Variants in FXR2 observed in about 807,000 individuals in gnomAD.
The protein encoded by FXR2 is RNA-binding protein FXR2.
FXR2 carries 9 observed loss-of-function variants against 87.3 expected under a neutral mutation model. That is an observed-to-expected ratio of 0.10 (90% CI 0.06 to 0.18). The LOEUF (loss-of-function observed/expected upper bound fraction) is 0.18, where lower values mean the gene tolerates loss of function less well. Among genes scored for constraint, FXR2 ranks in the 10% least tolerant of loss-of-function variants. FXR2 has a pLI of 1.00. For missense variants in FXR2, 661 were observed against 893.6 expected, an observed-to-expected ratio of 0.74 and a Z score of 3.32; for synonymous variants, 331 against 328.3, an observed-to-expected ratio of 1.01 and a Z score of -0.09.
chr17:7,593,051 GC>G lies in FXR2; in HGVS notation c.1460del (p.Gly487AlafsTer25). 1 of 1,583,552 alleles carries G rather than the reference GC, an allele frequency of 6.3e-7. No homozygotes were observed. The highest frequency in any genetic ancestry group is 1.2e-5 in the South Asian group (1 of 86,708). ...GEESRRRPTG[G>X]RGRGPPPAPR... ...GGGCAGGTGGGGGTCCCCTACCCCG[GC>G]CCCCAGTCGGCCGCCTCCGGCTTTC... On this transcript the variant is annotated frameshift_variant, in exon 13 of 17. Coordinates refer to ENST00000250113, the MANE Select transcript of FXR2 (RefSeq NM_004860.4). LOFTEE classifies it high-confidence loss of function. The surrounding 1 kb of genome is among the most constrained non-coding windows in gnomAD (Gnocchi z 6.1).
intron 1 of FXR2, chr17:7,614,154 G>A (rs1597885227): frequency 4.8e-6 from 3 of 623,152 alleles, no homozygotes; most frequent in Non-Finnish European, 3.0e-6. Flanking sequence ...ATTAGAAGCT[G>A]GGTAAAGGGG....
At chr17:7,611,566 G>A (rs903266229) in intron 1 of FXR2, among the ~76,000 whole-genome samples, 3 of 152,136 alleles carry the variant, frequency 2.0e-5, no homozygotes, top group Admixed American at 2.0e-4. Flanking sequence ...TACTCGGGAG[G>A]CTGAGGCACA....
intron 1 of FXR2, among the ~76,000 whole-genome samples, chr17:7,608,756 G>A (rs11653545): frequency 0.028 from 4,337 of 152,272 alleles, 226 homozygotes; most frequent in East Asian, 0.23. Flanking sequence ...AGTTGATGGA[G>A]GACTTTTGGG....
chr17:7,602,294 G>A (rs953843148), intron 6 of FXR2, among the ~76,000 whole-genome samples: 4 of 152,180 alleles, frequency 2.6e-5, no homozygotes, highest in African/African-American at 9.6e-5. Flanking sequence ...TGTCGGGCGC[G>A]GTGGCTCACG....
chr17:7,611,070 A>C (rs983619531), intron 1 of FXR2, among the ~76,000 whole-genome samples: 3 of 152,204 alleles, frequency 2.0e-5, no homozygotes, highest in African/African-American at 7.2e-5. Context: ...GGGGATTAGG[A>C]TATCCAGATG....
At position 7,614,441 on chromosome 17, in the gene FXR2, C is replaced by A; in HGVS notation, c.81+11G>T. On this transcript the variant is annotated intron_variant, in intron 1 of 16. Coordinates refer to ENST00000250113, the MANE Select transcript of FXR2 (RefSeq NM_004860.4). ...TAAGGACCGGCGTCCCCAGTCGGCG[C>A]GCCGTCTCACCTTGTAGAAGGCCCC... 1 of 1,525,920 alleles carries A rather than the reference C, an allele frequency of 6.6e-7. No individual in the cohort carries two copies. Among genetic ancestry groups the A allele is most frequent in the Non-Finnish European group, 8.8e-7 (1 of 1,135,036 alleles). The allele number at this position is 1,525,920 out of a possible 1,614,324, so 94.5% of individuals were successfully genotyped here. A position where few individuals can be genotyped will look rare whatever the true frequency, so the allele number is the denominator to read the frequency against.
chr17:7,612,607 A>C (rs2071876281), intron 1 of FXR2, among the ~76,000 whole-genome samples: 1 of 152,102 alleles, frequency 6.6e-6, no homozygotes, highest in Admixed American at 6.6e-5. Context: ...TGAATTGAGA[A>C]GGTAAGTTAG....
In FXR2 at chr17:7,592,331, G is replaced by T; in HGVS notation, c.1849C>A (p.Arg617=). 1.9e-6 allele frequency: 3 copies of T among 1,612,556 alleles called. No individual in the cohort carries two copies. Among genetic ancestry groups the T allele is most frequent in the Non-Finnish European group, 8.5e-7 (1 of 1,178,558 alleles). The part of the protein sequence containing the change: ...QPVTVADYIS[R]AESQSRQRPP... ...CTCTGGCGGCTCTGAGACTCTGCTCGTGAGATATAGTCAGCCACAGTCACT... is the reference window on the plus strand; with the variant it reads ...CTCTGGCGGCTCTGAGACTCTGCTCTTGAGATATAGTCAGCCACAGTCACT... Residue 617 remains arginine (R), a synonymous_variant, in exon 16 of 17, where the codon CGA becomes AGA. Coordinates refer to ENST00000250113, the MANE Select transcript of FXR2 (RefSeq NM_004860.4). The surrounding 1 kb of genome is among the most constrained non-coding windows in gnomAD (Gnocchi z 4.8).
chr17:7,593,357 C>G lies in FXR2; in HGVS notation c.1330+46G>C. The G allele has an allele frequency of 3.5e-6, 5 of 1,439,188 alleles. No homozygotes were observed. Among genetic ancestry groups the G allele is most frequent in the Non-Finnish European group, 4.8e-6 (5 of 1,048,592 alleles). 89.2% of individuals were successfully genotyped at this position (1,439,188 alleles called of 1,614,324 possible). A position where few individuals can be genotyped will look rare whatever the true frequency, so the allele number is the denominator to read the frequency against. On this transcript the variant is annotated intron_variant, in intron 12 of 16. Coordinates refer to ENST00000250113, the MANE Select transcript of FXR2 (RefSeq NM_004860.4). This position sits in a 1 kb window ranked among gnomAD's most constrained non-coding sequence, Gnocchi z 6.1. ...TTCCATCCAGACCTCTGCCTCTACC[C>G]ACAAGCCCTGCCACTCCTTGCCTCC...
Position 7,591,679 on chromosome 17 carries a change from A to AG in FXR2, c.*150dup. The AG allele has an allele frequency of 1.5e-6, 1 of 682,292 alleles. No individual in the cohort carries two copies. Among genetic ancestry groups the AG allele is most frequent in the Admixed American group, 2.1e-5 (1 of 47,352 alleles). 42.3% of individuals were successfully genotyped at this position (682,292 alleles called of 1,614,324 possible). A position where few individuals can be genotyped will look rare whatever the true frequency, so the allele number is the denominator to read the frequency against. On this transcript the variant is annotated 3_prime_UTR_variant, in exon 17 of 17. Coordinates refer to ENST00000250113, the MANE Select transcript of FXR2 (RefSeq NM_004860.4). This position sits in a 1 kb window ranked among gnomAD's most constrained non-coding sequence, Gnocchi z 4.0. ...TGACCCTGTTACACACCCCTCCACTAGCTCCTGGAGGTTGGGGGGTACCCA... is the reference window on the plus strand; with the variant it reads ...TGACCCTGTTACACACCCCTCCACTAGGCTCCTGGAGGTTGGGGGGTACCCA...
intron 1 of FXR2, among the ~76,000 whole-genome samples, chr17:7,609,887 C>T (rs933893383): frequency 1.4e-5 from 2 of 146,236 alleles, no homozygotes; most frequent in African/African-American, 2.5e-5. Flanking sequence ...TATACATATA[C>T]ATATATATAC....
intron 1 of FXR2, among the ~76,000 whole-genome samples, chr17:7,609,887 C>CATATATATACACATACAT (rs2071834853): frequency 6.8e-6 from 1 of 146,236 alleles, no homozygotes; most frequent in Admixed American, 7.0e-5. Flanking sequence ...TATACATATA[C>CATATATATACACATACAT]ATATATATAC....
intron 6 of FXR2, chr17:7,602,643 T>G (rs558533193): frequency 1.0e-5 from 3 of 288,950 alleles, no homozygotes; most frequent in Non-Finnish European, 1.9e-5. Context: ...GCAGGAGAAT[T>G]GCTTGAACCC....
chr17:7,599,529 C>T (rs886722212), intron 7 of FXR2, among the ~76,000 whole-genome samples: 5 of 152,162 alleles, frequency 3.3e-5, no homozygotes, highest in South Asian at 4.1e-4. Flanking sequence ...ATAATACCAA[C>T]GAAAGGGAAT....
rs1043841793 is a variant in FXR2, at chr17:7,591,649, G to A, written c.*181C>T. ...GGGGGTAGGGTGGACAAGAGGGAGG[G>A]GGTATGACCCTGTTACACACCCCTC... On this transcript the variant is annotated 3_prime_UTR_variant, in exon 17 of 17. Transcript: ENST00000250113. The surrounding 1 kb of genome is among the most constrained non-coding windows in gnomAD (Gnocchi z 4.0). 3.2e-6 allele frequency: 2 copies of A among 627,884 alleles called. No homozygotes were observed. The highest frequency in any genetic ancestry group is 3.6e-5 in the African/African-American group (2 of 54,922). The allele number at this position is 627,884 out of a possible 1,614,324, so 38.9% of individuals were successfully genotyped here.
At chr17:7,605,791 A>T in intron 2 of FXR2, 53 bp from the exon 3 acceptor site, 2 of 1,040,896 alleles carry the variant, frequency 1.9e-6, no homozygotes, top group Non-Finnish European at 2.9e-6. Context: ...ATGGTTGCCC[A>T]TTTCTTTACA....
intron 3 of FXR2, among the ~76,000 whole-genome samples, chr17:7,604,424 G>A (rs140704847): frequency 1.6e-3 from 248 of 152,182 alleles, no homozygotes; most frequent in African/African-American, 4.8e-3. Context: ...GGCCAAGCGC[G>A]GTGGCTTATG....
rs1330675057 is a variant in FXR2 at position 7,595,194 on chromosome 17, A to G, written c.832-437T>C. Among the ~76,000 whole-genome samples the G allele has an allele frequency of 6.6e-6, 1 of 151,890 alleles. No individual in the cohort carries two copies. Among genetic ancestry groups the G allele is most frequent in the East Asian group, 1.9e-4 (1 of 5,196 alleles). The stretch of plus-strand genomic sequence containing the variant: ...TGGCCAGGCACAGCGGCTCACACCC[A>G]TAATCTCAACAGTTTCGGAGGCTAA... On this transcript the variant is annotated intron_variant, in intron 8 of 16. Coordinates refer to ENST00000250113, the MANE Select transcript of FXR2 (RefSeq NM_004860.4). This position sits in a 1 kb window ranked among gnomAD's most constrained non-coding sequence, Gnocchi z 4.7.
At chr17:7,610,098 T>C (rs1005893062) in intron 1 of FXR2, among the ~76,000 whole-genome samples, 5 of 151,262 alleles carry the variant, frequency 3.3e-5, no homozygotes, top group African/African-American at 1.2e-4. Flanking sequence ...TGGTGGCACA[T>C]GGCTGTAACC....
Sources: allele counts gnomAD v4.1 joint callset (sites outside exome capture counted in the v4.1 genomes callset), GRCh38; gene constraint gnomAD v4.1.1; non-coding constraint Gnocchi (gnomAD v3.1); transcripts MANE v1.5; gene names NCBI Gene and HGNC (gene_info 2026-07-23, HGNC 2026-07-21).